Variants in TBCE observed in about 807,000 individuals in gnomAD.
The protein encoded by TBCE is tubulin-specific chaperone E.
A neutral mutation model predicts 77.0 loss-of-function variants in TBCE; 53 were observed. The observed-to-expected ratio is 0.69, with a 90% CI of 0.55 to 0.87. The LOEUF (loss-of-function observed/expected upper bound fraction) is 0.87, where lower values mean the gene tolerates loss of function less well. Ranked by LOEUF, TBCE falls within the 40% of genes least tolerant of loss-of-function variation. TBCE has a pLI of 0.00. For synonymous variants in TBCE, 235 were observed against 241.3 expected, an observed-to-expected ratio of 0.97 and a Z score of 0.24; for missense variants, 624 against 622.4, an observed-to-expected ratio of 1.00 and a Z score of -0.03.
At chr1:235,421,994 G>A (rs1680424419) in intron 5 of TBCE, among the ~76,000 whole-genome samples, 1 of 152,208 alleles carries the variant, frequency 6.6e-6, no homozygotes, top group Non-Finnish European at 1.5e-5. Flanking sequence ...GTTGGGACCT[G>A]TGGTAGCTGC....
intron 2 of TBCE, among the ~76,000 whole-genome samples, chr1:235,392,004 T>G (rs536076794): frequency 1.3e-5 from 2 of 152,026 alleles, no homozygotes; most frequent in Non-Finnish European, 2.9e-5. Flanking sequence ...AAATACGTTT[T>G]CTTACAAAAC....
intron 5 of TBCE, among the ~76,000 whole-genome samples, chr1:235,425,010 C>T (rs1330076904): frequency 1.3e-5 from 2 of 152,126 alleles, no homozygotes; most frequent in Non-Finnish European, 2.9e-5. Flanking sequence ...TCTCTGGTTG[C>T]AGACTGTTGG....
chr1:235,450,133 G>A lies in TBCE; in HGVS notation c.*1371G>A. 1.5e-5 allele frequency: 24 copies of A among 1,560,786 alleles called. No homozygotes were observed. The highest frequency in any genetic ancestry group is 1.9e-5 in the Non-Finnish European group (22 of 1,135,074). On this transcript the variant is annotated 3_prime_UTR_variant, in exon 17 of 17. Coordinates refer to ENST00000642610, the MANE Select transcript of TBCE (RefSeq NM_003193.5). ...ACCATACAGTCTACTGCTAAACCCT[G>A]GGACTCCTCAGACTTGCACTCAGAT... is the stretch of plus-strand genomic sequence containing the variant.
Position 235,441,725 on chromosome 1 carries a change from G to A in TBCE, c.1271-89G>A, listed in dbSNP as rs992232386. Reference sequence around the variant, plus strand: ...TGGGAAAGGCACAGGCTCTCTGGACGCTTACCTATCCTTTGTTTGTTTGTT... The same window carrying A: ...TGGGAAAGGCACAGGCTCTCTGGACACTTACCTATCCTTTGTTTGTTTGTT... On this transcript the variant is annotated intron_variant, in intron 13 of 16. Coordinates refer to ENST00000642610, the MANE Select transcript of TBCE (RefSeq NM_003193.5). 19 of 1,234,696 alleles carry A rather than the reference G, an allele frequency of 1.5e-5. No individual in the cohort carries two copies. In the African/African-American group the frequency reaches 2.2e-4, roughly 14 times the overall value. 76.5% of individuals were successfully genotyped at this position (1,234,696 alleles called of 1,614,324 possible). A position where few individuals can be genotyped will look rare whatever the true frequency, so the allele number is the denominator to read the frequency against.
intron 2 of TBCE, among the ~76,000 whole-genome samples, chr1:235,386,469 C>A (rs578211270): frequency 6.6e-6 from 1 of 152,174 alleles, no homozygotes; most frequent in Admixed American, 6.6e-5. Flanking sequence ...TTCACATAGT[C>A]CCATATTTCT....
chr1:235,447,703 C>T (rs778376848), intron 15 of TBCE, among the ~76,000 whole-genome samples: 3 of 152,178 alleles, frequency 2.0e-5, no homozygotes, highest in African/African-American at 4.8e-5. Context: ...AAAAAGAAAA[C>T]GTTAATGACT....
At chr1:235,447,845 T>TC (rs1209996565) in intron 15 of TBCE, among the ~76,000 whole-genome samples, 1 of 152,084 alleles carries the variant, frequency 6.6e-6, no homozygotes, top group Non-Finnish European at 1.5e-5. Flanking sequence ...TTCCCACAGT[T>TC]CCCCAAATGA....
intron 15 of TBCE, among the ~76,000 whole-genome samples, chr1:235,445,807 C>T (rs1682224097): frequency 6.6e-6 from 1 of 152,090 alleles, no homozygotes; most frequent in Admixed American, 6.6e-5. Flanking sequence ...AGCATTGTAT[C>T]TTGCAGCATT....
chr1:235,424,724 C>T (rs187502926), intron 5 of TBCE, among the ~76,000 whole-genome samples: 148 of 152,102 alleles, frequency 9.7e-4, no homozygotes, highest in Non-Finnish European at 1.7e-3. Flanking sequence ...AGGCTGGTCT[C>T]GAACCCCCGA....
intron 2 of TBCE, among the ~76,000 whole-genome samples, chr1:235,393,168 T>C (rs73114691): frequency 0.03 from 4,640 of 152,354 alleles, 258 homozygotes; most frequent in African/African-American, 0.11. Flanking sequence ...TAAAGACTTC[T>C]GTAGCATTTA....
intron 1 of TBCE, among the ~76,000 whole-genome samples, chr1:235,375,594 C>G (rs1366151865): frequency 1.3e-5 from 2 of 152,004 alleles, no homozygotes; most frequent in African/African-American, 2.4e-5. Context: ...GAAACAGGGA[C>G]CCACTGGTTA....
At chr1:235,442,303 T>A (rs747195414) in intron 14 of TBCE, among the ~76,000 whole-genome samples, 4 of 152,186 alleles carry the variant, frequency 2.6e-5, no homozygotes, top group Non-Finnish European at 5.9e-5. Context: ...CCCGAGTAGC[T>A]GGGATTACAG....
intron 1 of TBCE, among the ~76,000 whole-genome samples, chr1:235,377,799 C>T (rs746148395): frequency 2.9e-4 from 44 of 151,628 alleles, no homozygotes; most frequent in Non-Finnish European, 5.6e-4. Flanking sequence ...TTACAGGCAT[C>T]GCGCCACCAC....
Position 235,450,267 on chromosome 1 carries a change from A to G in TBCE, c.*1505A>G, listed in dbSNP as rs1682816564. 1 of 1,613,932 alleles carries G rather than the reference A, an allele frequency of 6.2e-7. No homozygotes were observed. The highest frequency in any genetic ancestry group is 8.5e-7 in the Non-Finnish European group (1 of 1,179,900). ...TTCCTTCAGTTTCCACAGTTCCGTCAGTTCCCACGGAGAATACTGAGGAGA... is the reference window on the plus strand; with the variant it reads ...TTCCTTCAGTTTCCACAGTTCCGTCGGTTCCCACGGAGAATACTGAGGAGA... On this transcript the variant is annotated 3_prime_UTR_variant, in exon 17 of 17. Coordinates refer to ENST00000642610, the MANE Select transcript of TBCE (RefSeq NM_003193.5).
At chr1:235,423,293 T>C (rs1680506050) in intron 5 of TBCE, among the ~76,000 whole-genome samples, 1 of 152,010 alleles carries the variant, frequency 6.6e-6, no homozygotes, top group African/African-American at 2.4e-5. Context: ...CGGGGGCTCC[T>C]TGAACGGTGT....
chr1:235,422,041 G>T (rs1362520306), intron 5 of TBCE, among the ~76,000 whole-genome samples: 2 of 152,200 alleles, frequency 1.3e-5, no homozygotes, highest in Admixed American at 1.3e-4. Context: ...CTCTGCCCCT[G>T]AGCAGCCTCC....
chr1:235,394,573 G>A lies in TBCE; in HGVS notation c.101-6930G>A, dbSNP rs534401177. Among the ~76,000 whole-genome samples the A allele has an allele frequency of 8.6e-5, 13 of 151,952 alleles. No homozygotes were observed. In the South Asian group the frequency reaches 2.7e-3, roughly 32 times the overall value. ...AGCCTCCCAAGTTGCTGGGACTACA[G>A]ATGTGCACCACCATGCCCAGCTAAT... On this transcript the variant is annotated intron_variant, in intron 2 of 16. Coordinates refer to ENST00000642610, the MANE Select transcript of TBCE (RefSeq NM_003193.5).
chr1:235,430,864 T>C lies in TBCE; in HGVS notation c.660+60T>C, dbSNP rs958085095. 13 of 1,418,550 alleles carry C rather than the reference T, an allele frequency of 9.2e-6. No individual in the cohort carries two copies. In the South Asian group the frequency reaches 1.3e-4, roughly 14 times the overall value. The allele number at this position is 1,418,550 out of a possible 1,614,324, so 87.9% of individuals were successfully genotyped here. On this transcript the variant is annotated intron_variant, in intron 7 of 16. Coordinates refer to ENST00000642610, the MANE Select transcript of TBCE (RefSeq NM_003193.5). ...AAGCAATTAAAAATGTTTGGTTTAATAGAGAATTGTTAGTACAGTTTAATA... is the reference window on the plus strand; with the variant it reads ...AAGCAATTAAAAATGTTTGGTTTAACAGAGAATTGTTAGTACAGTTTAATA...
At position 235,448,354 on chromosome 1, in the gene TBCE, A is replaced by C. The variant is rs1682605180; in HGVS notation, c.1405A>C (p.Met469Leu). ...KVLEKQLPGS[M>L]TIQKVKGLLS... ...CTTTTCTTGTCTTTTGATAGGCTCC[A>C]TGACAATTCAAAAGGTGAAGGGATT... The change falls in exon 16 of 17, where the codon ATG (methionine) becomes CTG (leucine). Residue 469 changes from methionine (M) to leucine (L), a missense_variant. Coordinates refer to ENST00000642610, the MANE Select transcript of TBCE (RefSeq NM_003193.5). The C allele has an allele frequency of 6.2e-7, 1 of 1,613,862 alleles. No individual in the cohort carries two copies. Among genetic ancestry groups the C allele is most frequent in the Admixed American group, 1.7e-5 (1 of 59,980 alleles).
Sources: allele counts gnomAD v4.1 joint callset (sites outside exome capture counted in the v4.1 genomes callset), GRCh38; gene constraint gnomAD v4.1.1; transcripts MANE v1.5; gene names NCBI Gene and HGNC (gene_info 2026-07-23, HGNC 2026-07-21).